NRXN3: variants seen among roughly 807,000 people sequenced by gnomAD.
NRXN3 encodes neurexin III.
In NRXN3, 32 loss-of-function variants were observed where a neutral mutation model predicts 137.6. The observed-to-expected ratio is 0.23, with a 90% CI of 0.18 to 0.31. The LOEUF (loss-of-function observed/expected upper bound fraction) is 0.31. NRXN3 is among the 10% of genes least tolerant of loss of function. The probability of loss-of-function intolerance (pLI) is 1.00; values close to 1 mark genes in which losing one functional copy is unlikely to be tolerated. For synonymous variants in NRXN3, 798 were observed against 784.5 expected, an observed-to-expected ratio of 1.02 and a Z score of -0.29; for missense variants, 1,574 against 2,062.5, an observed-to-expected ratio of 0.76 and a Z score of 4.59.
chr14:78,174,944 G>A (rs2059123299), intron 1 of NRXN3, among the ~76,000 whole-genome samples: 1 of 152,174 alleles, frequency 6.6e-6, no homozygotes. Flanking sequence ...ACAGAGCCTG[G>A]GGCTGAGCTC....
intron 19 of NRXN3, among the ~76,000 whole-genome samples, chr14:79,707,371 G>A (rs1349188930): frequency 2.0e-5 from 3 of 152,196 alleles, no homozygotes; most frequent in Non-Finnish European, 4.4e-5. Flanking sequence ...CTGGTACGGA[G>A]GAAAGTGCAT....
At chr14:79,067,410 A>G (rs990004424) in intron 15 of NRXN3, among the ~76,000 whole-genome samples, 1 of 152,054 alleles carries the variant, frequency 6.6e-6, no homozygotes, top group Admixed American at 6.6e-5. Context: ...TATCAAGTAT[A>G]TTGGCCTGAA....
chr14:78,360,599 G>A (rs998255115), intron 4 of NRXN3, among the ~76,000 whole-genome samples: 1 of 152,130 alleles, frequency 6.6e-6, no homozygotes, highest in Non-Finnish European at 1.5e-5. Flanking sequence ...TAGTAATAGC[G>A]CCTACCCCAC....
At chr14:79,284,988 T>C (rs2153450591) in intron 15 of NRXN3, among the ~76,000 whole-genome samples, 1 of 152,302 alleles carries the variant, frequency 6.6e-6, no homozygotes, top group Non-Finnish European at 1.5e-5. Context: ...TCTAGATGCG[T>C]TGTTTTTCTT....
At chr14:78,203,248 T>G (rs895368687) in intron 1 of NRXN3, among the ~76,000 whole-genome samples, 1 of 152,164 alleles carries the variant, frequency 6.6e-6, no homozygotes, top group African/African-American at 2.4e-5. Flanking sequence ...ACTCCTTTGT[T>G]TCACCCCCAA....
intron 16 of NRXN3, among the ~76,000 whole-genome samples, chr14:79,501,205 G>A (rs138212504): frequency 0.01 from 1,537 of 152,126 alleles, 27 homozygotes; most frequent in African/African-American, 0.035. Context: ...TTTCCAGACT[G>A]GGTTAATGCC....
intron 4 of NRXN3, among the ~76,000 whole-genome samples, chr14:78,410,404 C>G (rs10483900): frequency 0.029 from 4,378 of 152,284 alleles, 196 homozygotes; most frequent in African/African-American, 0.093. Context: ...TATGTCTGCT[C>G]TATGCTCAGG....
At chr14:78,203,803 G>GGTGTGTGTGTGTGTGTGTGTGT (rs3059003) in intron 1 of NRXN3, among the ~76,000 whole-genome samples, 2 of 133,948 alleles carry the variant, frequency 1.5e-5, no homozygotes, top group African/African-American at 5.7e-5. Context: ...GATCCTTCCA[G>GGTGTGTGTGTGTGTGTGTGTGT]GTGTGTGTGT....
intron 4 of NRXN3, among the ~76,000 whole-genome samples, chr14:78,615,263 G>C (rs1038933557): frequency 2.0e-5 from 3 of 152,016 alleles, no homozygotes; most frequent in Non-Finnish European, 4.4e-5. Context: ...CCAAATAAAG[G>C]CTCAAAGATT....
At chr14:78,367,382 AAATC>A (rs756239761) in intron 4 of NRXN3, among the ~76,000 whole-genome samples, 2 of 152,134 alleles carry the variant, frequency 1.3e-5, no homozygotes, top group Admixed American at 6.5e-5. Flanking sequence ...CTAAATTAAA[AAATC>A]AATCAATCAA....
intron 16 of NRXN3, among the ~76,000 whole-genome samples, chr14:79,561,874 T>C (rs532999252): frequency 1.3e-5 from 2 of 152,324 alleles, no homozygotes; most frequent in Admixed American, 1.3e-4. Context: ...TTGTTCATGC[T>C]AATTACTCAC....
At chr14:79,232,754 G>T (rs1179689365) in intron 15 of NRXN3, among the ~76,000 whole-genome samples, 4 of 152,114 alleles carry the variant, frequency 2.6e-5, no homozygotes, top group African/African-American at 4.8e-5. Flanking sequence ...ACCCGCGATG[G>T]TCAGGAAGGA....
At chr14:78,814,596 T>C (rs2153107083) in intron 10 of NRXN3, among the ~76,000 whole-genome samples, 2 of 152,274 alleles carry the variant, frequency 1.3e-5, no homozygotes, top group East Asian at 3.9e-4. Context: ...GCCTGGCGAC[T>C]GAGCGAGACT....
intron 19 of NRXN3, among the ~76,000 whole-genome samples, chr14:79,739,372 T>C (rs1476721595): frequency 6.6e-6 from 1 of 152,042 alleles, no homozygotes; most frequent in East Asian, 1.9e-4. Flanking sequence ...TCACTGGGCA[T>C]GGTGGCTCAC....
chr14:78,810,500 G>A (rs190215118), intron 10 of NRXN3, among the ~76,000 whole-genome samples, 156 bp downstream of exon 10: 1 of 151,798 alleles, frequency 6.6e-6, no homozygotes, highest in Admixed American at 6.6e-5. Flanking sequence ...TGGGGGGCTG[G>A]GTGAGGGTGA....
At chr14:78,403,896 C>G in intron 4 of NRXN3, 1 of 985,262 alleles carries the variant, frequency 1.0e-6, no homozygotes. Flanking sequence ...TTTCGGCTCA[C>G]CTTTAAAAAG....
intron 1 of NRXN3, among the ~76,000 whole-genome samples, chr14:78,214,273 G>T (rs2063036879): frequency 6.6e-6 from 1 of 152,082 alleles, no homozygotes; most frequent in African/African-American, 2.4e-5. Context: ...TCTGCCTGGG[G>T]TGCTCTTCCA....
At chr14:78,787,771 C>G (rs1172464614) in intron 8 of NRXN3, among the ~76,000 whole-genome samples, 1 of 152,126 alleles carries the variant, frequency 6.6e-6, no homozygotes, top group Non-Finnish European at 1.5e-5. Flanking sequence ...CTAAACATAG[C>G]CTGCCCATGA....
At chr14:78,618,258 CT>C (rs79670263) in intron 4 of NRXN3, among the ~76,000 whole-genome samples, 878 of 142,382 alleles carry the variant, frequency 6.2e-3, no homozygotes, top group East Asian at 0.014. Flanking sequence ...TGTGCTATAC[CT>C]TTTTTTTTTT....
Sources: allele counts gnomAD v4.1 joint callset (sites outside exome capture counted in the v4.1 genomes callset), GRCh38; gene constraint gnomAD v4.1.1; transcripts MANE v1.5; gene names NCBI Gene and HGNC (gene_info 2026-07-23, HGNC 2026-07-21).